The following AKT3 variants were observed in gnomAD, a reference collection of about 807,000 sequenced individuals.
AKT3 encodes AKT serine/threonine kinase 3.
In AKT3, 15 loss-of-function variants were observed where a neutral mutation model predicts 65.3. The observed-to-expected ratio is 0.23, with a 90% CI of 0.15 to 0.35. The LOEUF is 0.35. Among genes scored for constraint, AKT3 ranks in the 10% least tolerant of loss-of-function variants. The pLI, the probability that AKT3 is intolerant of heterozygous loss-of-function variation, is 1.00. For synonymous variants in AKT3, 206 were observed against 183.8 expected, an observed-to-expected ratio of 1.12 and a Z score of -0.98; for missense variants, 243 against 576.5, an observed-to-expected ratio of 0.42 and a Z score of 5.92.
At chr1:243,567,340 C>T (rs1193204814) in intron 9 of AKT3, among the ~76,000 whole-genome samples, 1 of 152,056 alleles carries the variant, frequency 6.6e-6, no homozygotes, top group Non-Finnish European at 1.5e-5. Flanking sequence ...CAGGGTCTCG[C>T]TCTGTTGCCT....
At chr1:243,546,424 G>C (rs890503236) in intron 11 of AKT3, among the ~76,000 whole-genome samples, 8 of 152,152 alleles carry the variant, frequency 5.3e-5, no homozygotes, top group Non-Finnish European at 8.8e-5. Context: ...AGGAAGAACA[G>C]GAGGAAAAGA....
intron 2 of AKT3, among the ~76,000 whole-genome samples, chr1:243,734,774 A>C (rs1473489865): frequency 6.6e-6 from 1 of 152,230 alleles, no homozygotes; most frequent in Non-Finnish European, 1.5e-5. Flanking sequence ...TTTACTTCAT[A>C]AACTGTTTAA....
At chr1:243,790,625 TC>T (rs1691569671) in intron 2 of AKT3, among the ~76,000 whole-genome samples, 1 of 152,224 alleles carries the variant, frequency 6.6e-6, no homozygotes, top group Non-Finnish European at 1.5e-5. Flanking sequence ...TCAAGAAATT[TC>T]CCTTTGCATT....
intron 2 of AKT3, among the ~76,000 whole-genome samples, chr1:243,712,443 T>A (rs1044702551): frequency 2.0e-5 from 3 of 152,230 alleles, no homozygotes; most frequent in Non-Finnish European, 2.9e-5. Flanking sequence ...CTTTCAACCA[T>A]GCTTTGGGCA....
chr1:243,834,087 G>A (rs537876169), intron 2 of AKT3, among the ~76,000 whole-genome samples: 1 of 152,058 alleles, frequency 6.6e-6, no homozygotes, highest in South Asian at 2.1e-4. Flanking sequence ...CAGCCGCTGT[G>A]GAAAGCAGTT....
intron 2 of AKT3, among the ~76,000 whole-genome samples, chr1:243,725,595 G>A (rs1029286763): frequency 1.3e-4 from 20 of 152,176 alleles, no homozygotes; most frequent in African/African-American, 4.6e-4. Context: ...GTTAAGGGTC[G>A]GGGGCATAAC....
chr1:243,849,953 G>A (rs1237427917), intron 1 of AKT3, 87 bp downstream of exon 1: 4 of 934,494 alleles, frequency 4.3e-6, no homozygotes, highest in African/African-American at 3.6e-5. Flanking sequence ...GCCTGAGGGA[G>A]GCAGGGAGGG....
intron 4 of AKT3, among the ~76,000 whole-genome samples, chr1:243,659,366 C>T (rs1377410618): frequency 6.6e-6 from 1 of 152,070 alleles, no homozygotes; most frequent in Admixed American, 6.6e-5. Flanking sequence ...ACATAGTTAA[C>T]AATACTCTAT....
chr1:243,757,912 C>CA (rs1200483729), intron 2 of AKT3, among the ~76,000 whole-genome samples: 1 of 152,076 alleles, frequency 6.6e-6, no homozygotes, highest in Non-Finnish European at 1.5e-5. Context: ...AGGTACACGC[C>CA]ACCACATCCA....
chr1:243,651,378 C>T (rs1681309579), intron 4 of AKT3, among the ~76,000 whole-genome samples: 1 of 152,114 alleles, frequency 6.6e-6, no homozygotes, highest in Non-Finnish European at 1.5e-5. Context: ...ATTTGAATAT[C>T]CTTTATTTCT....
intron 13 of AKT3, among the ~76,000 whole-genome samples, chr1:243,494,600 G>A (rs984511498): frequency 1.2e-4 from 19 of 152,172 alleles, no homozygotes; most frequent in African/African-American, 2.2e-4. Flanking sequence ...ATTGAAAAGC[G>A]CATAGGGCTT....
intron 2 of AKT3, among the ~76,000 whole-genome samples, chr1:243,817,579 A>G (rs1693607797): frequency 6.6e-6 from 1 of 151,966 alleles, no homozygotes; most frequent in Non-Finnish European, 1.5e-5. Context: ...CATCTCTACT[A>G]AACATGCAAA....
intron 2 of AKT3, among the ~76,000 whole-genome samples, chr1:243,712,384 C>T (rs1298291908): frequency 6.6e-6 from 1 of 152,146 alleles, no homozygotes; most frequent in Non-Finnish European, 1.5e-5. Context: ...TCCTTTAATT[C>T]TTTCAGAAAG....
chr1:243,767,989 T>C (rs1336621806), intron 2 of AKT3, among the ~76,000 whole-genome samples: 1 of 151,728 alleles, frequency 6.6e-6, no homozygotes, highest in East Asian at 1.9e-4. Context: ...TTATAAAATA[T>C]ATAGAGAGGG....
At chr1:243,700,891 T>C (rs1685413270) in intron 2 of AKT3, among the ~76,000 whole-genome samples, 1 of 152,188 alleles carries the variant, frequency 6.6e-6, no homozygotes, top group Non-Finnish European at 1.5e-5. Flanking sequence ...GGATAGGATA[T>C]TCAAATAAAT....
At chr1:243,746,981 A>G (rs1688507692) in intron 2 of AKT3, among the ~76,000 whole-genome samples, 1 of 152,106 alleles carries the variant, frequency 6.6e-6, no homozygotes, top group Non-Finnish European at 1.5e-5. Context: ...GGGCTTTGGG[A>G]GCTCACCAGC....
At chr1:243,603,244 T>C (rs1677149704) in intron 8 of AKT3, among the ~76,000 whole-genome samples, 1 of 152,166 alleles carries the variant, frequency 6.6e-6, no homozygotes, top group African/African-American at 2.4e-5. Flanking sequence ...ACCAACCCTT[T>C]TACATTCTGT....
intron 3 of AKT3, among the ~76,000 whole-genome samples, chr1:243,680,994 C>G (rs1277250828): frequency 1.3e-5 from 2 of 152,084 alleles, no homozygotes; most frequent in Non-Finnish European, 2.9e-5. Flanking sequence ...CACTGGAAAA[C>G]CTCTCACCTC....
At chr1:243,819,159 T>A (rs1693708619) in intron 2 of AKT3, among the ~76,000 whole-genome samples, 1 of 152,204 alleles carries the variant, frequency 6.6e-6, no homozygotes, top group Non-Finnish European at 1.5e-5. Context: ...GCCACCGTCA[T>A]CACTGCGGCT....
Sources: gnomAD v4.1 joint callset for allele counts (sites outside exome capture counted in the v4.1 genomes callset) on GRCh38, gnomAD v4.1.1 for gene constraint, MANE v1.5 for transcripts, NCBI Gene and HGNC (gene_info 2026-07-23, HGNC 2026-07-21) for gene names.